Variants in FBXW4 observed in about 807,000 individuals in gnomAD.
FBXW4 encodes F-box and WD repeat domain containing 4, also known as F-box/WD repeat-containing protein 4.
In FBXW4, 40 loss-of-function variants were observed where a neutral mutation model predicts 61.8. The ratio of observed to expected loss-of-function variants is 0.65; its 90% CI spans 0.50 to 0.84. The LOEUF (loss-of-function observed/expected upper bound fraction) is 0.84, where lower values mean the gene tolerates loss of function less well. Ranked by LOEUF, FBXW4 falls within the 40% of genes least tolerant of loss-of-function variation. The pLI, the probability that FBXW4 is intolerant of heterozygous loss-of-function variation, is 0.00. For synonymous variants in FBXW4, 311 were observed against 313.8 expected, an observed-to-expected ratio of 0.99 and a Z score of 0.10; for missense variants, 672 against 753.8, an observed-to-expected ratio of 0.89 and a Z score of 1.27.
intron 1 of FBXW4, among the ~76,000 whole-genome samples, chr10:101,693,004 GA>G (rs1315981361): frequency 1.3e-5 from 2 of 152,130 alleles, no homozygotes; most frequent in East Asian, 3.9e-4. Flanking sequence ...GGAAAAACAA[GA>G]AGACCCCAGT....
chr10:101,675,277 GCAAA>G (rs754089137), intron 2 of FBXW4, among the ~76,000 whole-genome samples: 8 of 152,246 alleles, frequency 5.3e-5, no homozygotes, highest in Admixed American at 2.6e-4. Context: ...CAAGTAGGCA[GCAAA>G]CAGAGAGGGT....
intron 5 of FBXW4, among the ~76,000 whole-genome samples, chr10:101,629,049 C>G (rs547254855): frequency 1.3e-5 from 2 of 152,104 alleles, no homozygotes; most frequent in African/African-American, 2.4e-5. Context: ...TTTGTGTATT[C>G]AAGTTGAGAG....
At chr10:101,682,139 CACTAAT>C (rs2064485033) in intron 1 of FBXW4, among the ~76,000 whole-genome samples, 1 of 152,142 alleles carries the variant, frequency 6.6e-6, no homozygotes, top group African/African-American at 2.4e-5. Flanking sequence ...ATGGTGTTGT[CACTAAT>C]GTGACTCTAA....
At chr10:101,646,419 C>T (rs917866741) in intron 5 of FBXW4, among the ~76,000 whole-genome samples, 2 of 152,238 alleles carry the variant, frequency 1.3e-5, no homozygotes, top group Non-Finnish European at 2.9e-5. Context: ...ATGCAGGGGT[C>T]CCTGTGCCAG....
intron 6 of FBXW4, among the ~76,000 whole-genome samples, chr10:101,619,199 C>T (rs968469432): frequency 1.3e-5 from 2 of 152,164 alleles, no homozygotes; most frequent in African/African-American, 2.4e-5. Flanking sequence ...ATGAAGATAC[C>T]GGAATTCCTG....
In FBXW4 at chr10:101,624,058, T is replaced by C. The variant is rs184175748; in HGVS notation, c.1301+687A>G. On this transcript the variant is annotated intron_variant, in intron 6 of 8. Transcript: ENST00000331272. ...TTATCTGAATCTACACGTGATACAA[T>C]TGCAAAGGACTAGACACACATAGAC... Among the ~76,000 whole-genome samples the C allele has an allele frequency of 6.6e-5, 10 of 150,722 alleles. No homozygotes were observed. The East Asian group carries it at 7.8e-4, about 12-fold the overall frequency.
At position 101,611,004 on chromosome 10, in the gene FBXW4, A is replaced by C; in HGVS notation, c.*287T>G. ...TAAGGGGTATAGGATGGGCCTCTCC[A>C]GGCCAGATCCTTGCTCTGGCCAAAC... is the stretch of plus-strand genomic sequence containing the variant. On this transcript the variant is annotated 3_prime_UTR_variant, in exon 9 of 9. Coordinates refer to ENST00000331272, the MANE Select transcript of FBXW4 (RefSeq NM_022039.4). The surrounding 1 kb of genome is among the most constrained non-coding windows in gnomAD (Gnocchi z 4.9). 6.5e-6 allele frequency: 2 copies of C among 305,616 alleles called. No individual in the cohort carries two copies. Among genetic ancestry groups the C allele is most frequent in the Non-Finnish European group, 1.2e-5 (2 of 161,508 alleles). 18.9% of individuals were successfully genotyped at this position (305,616 alleles called of 1,614,324 possible). A position where few individuals can be genotyped will look rare whatever the true frequency, so the allele number is the denominator to read the frequency against.
chr10:101,670,343 T>A (rs1434491032), intron 4 of FBXW4, among the ~76,000 whole-genome samples: 1 of 152,218 alleles, frequency 6.6e-6, no homozygotes, highest in African/African-American at 2.4e-5. Flanking sequence ...TGTCCACATG[T>A]GTTAAATGGG....
intron 6 of FBXW4, among the ~76,000 whole-genome samples, chr10:101,620,461 T>C (rs1338576012): frequency 6.6e-6 from 1 of 152,180 alleles, no homozygotes; most frequent in East Asian, 1.9e-4. Flanking sequence ...GGACAGATGT[T>C]TAAACAAAGC....
At chr10:101,688,045 G>A (rs1004794885) in intron 1 of FBXW4, among the ~76,000 whole-genome samples, 1 of 152,206 alleles carries the variant, frequency 6.6e-6, no homozygotes, top group Non-Finnish European at 1.5e-5. Context: ...CAAGAGCTGG[G>A]GGAGAAAATA....
At chr10:101,619,276 T>C (rs1287943979) in intron 6 of FBXW4, among the ~76,000 whole-genome samples, 1 of 152,116 alleles carries the variant, frequency 6.6e-6, no homozygotes, top group African/African-American at 2.4e-5. Context: ...TTCTGGCACT[T>C]TGAGGTTGGG....
chr10:101,641,200 G>A (rs1209985793), intron 5 of FBXW4, among the ~76,000 whole-genome samples: 17 of 152,058 alleles, frequency 1.1e-4, no homozygotes, highest in Middle Eastern at 6.8e-3. Context: ...TATTTTCCAC[G>A]TATTCATCTA....
At chr10:101,656,961 G>C (rs763607382) in intron 5 of FBXW4, among the ~76,000 whole-genome samples, 1 of 152,028 alleles carries the variant, frequency 6.6e-6, no homozygotes, top group Non-Finnish European at 1.5e-5. Flanking sequence ...AATTTGCATT[G>C]AAAACCATGA....
chr10:101,667,537 G>C (rs186512810), intron 5 of FBXW4, among the ~76,000 whole-genome samples: 1 of 152,148 alleles, frequency 6.6e-6, no homozygotes, highest in Non-Finnish European at 1.5e-5. Flanking sequence ...TCACCTCCGA[G>C]AGGTGGTGAG....
intron 5 of FBXW4, among the ~76,000 whole-genome samples, chr10:101,648,738 A>G (rs1444027470): frequency 6.6e-6 from 1 of 152,208 alleles, no homozygotes; most frequent in Non-Finnish European, 1.5e-5. Flanking sequence ...CTGTGTCTGC[A>G]TTCCACCATT....
chr10:101,627,627 T>C (rs138455538), intron 5 of FBXW4, among the ~76,000 whole-genome samples: 49 of 152,218 alleles, frequency 3.2e-4, no homozygotes, highest in African/African-American at 1.1e-3. Flanking sequence ...CGTGCGCACA[T>C]GCAATCTCAG....
In FBXW4 at chr10:101,694,317, C is replaced by T. The variant is rs1161325634; in HGVS notation, c.725+64G>A. ...CCTGGGCCGACCAGGCCGCGGCGCC[C>T]CGCCCTTTCCCGGGACGCGGGGCCG... On this transcript the variant is annotated intron_variant, in intron 1 of 8. Transcript: ENST00000331272. This position sits in a 1 kb window ranked among gnomAD's most constrained non-coding sequence, Gnocchi z 6.0. The T allele has an allele frequency of 1.5e-6, 2 of 1,328,444 alleles. No individual in the cohort carries two copies. The highest frequency in any genetic ancestry group is 1.9e-6 in the Non-Finnish European group (2 of 1,042,694). 82.3% of individuals were successfully genotyped at this position (1,328,444 alleles called of 1,614,324 possible). A position where few individuals can be genotyped will look rare whatever the true frequency, so the allele number is the denominator to read the frequency against.
intron 1 of FBXW4, among the ~76,000 whole-genome samples, chr10:101,678,587 A>G (rs73351274): frequency 0.027 from 4,059 of 152,130 alleles, 190 homozygotes; most frequent in African/African-American, 0.09. Flanking sequence ...CACCACACCC[A>G]GCTAATTTTT....
rs539473670 is a variant in FBXW4, at chr10:101,645,568, C to T, written c.1236-20758G>A. ...TTCACAAAACAAGATTTTGCCTGGGCAATCCCTGAGCGGGGAACAGACAAA... is the reference window on the plus strand; with the variant it reads ...TTCACAAAACAAGATTTTGCCTGGGTAATCCCTGAGCGGGGAACAGACAAA... On this transcript the variant is annotated intron_variant, in intron 5 of 8. Transcript: ENST00000331272. Among the ~76,000 whole-genome samples, 6 of 152,344 alleles carry T rather than the reference C, an allele frequency of 3.9e-5. No homozygotes were observed. The East Asian group carries it at 9.6e-4, about 24-fold the overall frequency.
Sources: gnomAD v4.1 joint callset for allele counts (sites outside exome capture counted in the v4.1 genomes callset) on GRCh38, gnomAD v4.1.1 for gene constraint, Gnocchi (gnomAD v3.1) non-coding constraint, MANE v1.5 for transcripts, NCBI Gene and HGNC (gene_info 2026-07-23, HGNC 2026-07-21) for gene names.